Variants in CCDC60 observed in about 807,000 individuals in gnomAD.
CCDC60 encodes coiled-coil domain containing 60.
In CCDC60, 54 loss-of-function variants were observed where a neutral mutation model predicts 63.5. The observed-to-expected ratio is 0.85, with a 90% CI of 0.68 to 1.07. The LOEUF (loss-of-function observed/expected upper bound fraction) is 1.07, where lower values mean the gene tolerates loss of function less well. CCDC60 is among the 50% of genes least tolerant of loss of function. CCDC60 has a pLI of 0.00. For synonymous variants in CCDC60, 206 were observed against 238.8 expected (o/e 0.86, Z 1.27); for missense variants, 651 against 684.3 (o/e 0.95, Z 0.54).
intron 1 of CCDC60, among the ~76,000 whole-genome samples, chr12:119,347,937 A>G (rs1482522567): frequency 1.3e-5 from 2 of 152,230 alleles, no homozygotes. Flanking sequence ...AAAATATTTA[A>G]ATACTGACAT....
At chr12:119,344,395 G>C (rs546550564) in intron 1 of CCDC60, among the ~76,000 whole-genome samples, 1 of 152,178 alleles carries the variant, frequency 6.6e-6, no homozygotes, top group Non-Finnish European at 1.5e-5. Context: ...AGTTGTTCAA[G>C]TAGAAACCCA....
intron 1 of CCDC60, among the ~76,000 whole-genome samples, chr12:119,421,766 G>T (rs987771507): frequency 5.9e-5 from 9 of 152,104 alleles, no homozygotes; most frequent in Non-Finnish European, 8.8e-5. Flanking sequence ...GAGTGACAGG[G>T]CCAGGACTCA....
rs915755737 is a variant in CCDC60 at position 119,452,812 on chromosome 12, T to C, written c.171-19182T>C. On this transcript the variant is annotated intron_variant, in intron 2 of 13. Coordinates refer to ENST00000327554, the MANE Select transcript of CCDC60 (RefSeq NM_178499.5). ...GGTAGAGTTAGAGTTAGAATTTGGC[T>C]TGTTTTTTTTTTGTTTGTTTGTTTG... Among the ~76,000 whole-genome samples, 7 of 145,222 alleles carry C rather than the reference T, an allele frequency of 4.8e-5. No individual in the cohort carries two copies. In the South Asian group the frequency reaches 1.5e-3, roughly 31 times the overall value.
At chr12:119,536,851 C>G (rs1408923962) in intron 13 of CCDC60, among the ~76,000 whole-genome samples, 2 of 152,016 alleles carry the variant, frequency 1.3e-5, no homozygotes, top group Non-Finnish European at 2.9e-5. Context: ...ACATTTTTTC[C>G]TTCATTTCAA....
At chr12:119,383,567 G>A (rs571446552) in intron 1 of CCDC60, among the ~76,000 whole-genome samples, 169 of 152,246 alleles carry the variant, frequency 1.1e-3, no homozygotes, top group Non-Finnish European at 2.0e-3. Flanking sequence ...GTGTGCGAGA[G>A]CAGAAGGAGC....
At chr12:119,344,676 C>A (rs1354278932) in intron 1 of CCDC60, among the ~76,000 whole-genome samples, 3 of 152,182 alleles carry the variant, frequency 2.0e-5, no homozygotes, top group Admixed American at 6.5e-5. Flanking sequence ...AGACGAATAT[C>A]TTTAATGAAG....
At chr12:119,347,279 G>C (rs746729677) in intron 1 of CCDC60, among the ~76,000 whole-genome samples, 45 of 152,182 alleles carry the variant, frequency 3.0e-4, no homozygotes, top group Admixed American at 7.9e-4. Flanking sequence ...CAACTAATGA[G>C]AGATGAGGCT....
At chr12:119,507,949 C>T (rs1438307977) in intron 7 of CCDC60, among the ~76,000 whole-genome samples, 1 of 151,962 alleles carries the variant, frequency 6.6e-6, no homozygotes, top group Non-Finnish European at 1.5e-5. Flanking sequence ...AGGAGGATGG[C>T]TTGAGTCCAG....
In CCDC60 at chr12:119,456,232, G is replaced by C. The variant is rs1286273205; in HGVS notation, c.171-15762G>C. Among the ~76,000 whole-genome samples, 2 of 152,128 alleles carry C rather than the reference G, an allele frequency of 1.3e-5. No individual in the cohort carries two copies. Among genetic ancestry groups the C allele is most frequent in the Non-Finnish European group, 1.5e-5 (1 of 68,028 alleles). ...GCCATTAGAGGATTTTGAGCATTAA[G>C]ATAGGAATGATGAGATTTGCCTTTT... On this transcript the variant is annotated intron_variant, in intron 2 of 13. Transcript: ENST00000327554. This position sits in a 1 kb window ranked among gnomAD's most constrained non-coding sequence, Gnocchi z 4.6.
intron 2 of CCDC60, among the ~76,000 whole-genome samples, chr12:119,451,341 G>A (rs1394922566): frequency 6.6e-6 from 1 of 152,180 alleles, no homozygotes. Flanking sequence ...TGTGTAGGGT[G>A]ATAGGGGGTT....
intron 1 of CCDC60, among the ~76,000 whole-genome samples, chr12:119,400,270 C>T (rs1450207950): frequency 6.6e-6 from 1 of 152,160 alleles, no homozygotes; most frequent in Non-Finnish European, 1.5e-5. Context: ...AGGATGGTCT[C>T]GATCTCCTGA....
intron 6 of CCDC60, among the ~76,000 whole-genome samples, chr12:119,501,380 T>C (rs1951847024): frequency 6.6e-6 from 1 of 152,200 alleles, no homozygotes; most frequent in Non-Finnish European, 1.5e-5. Context: ...AGGAGGTATT[T>C]GGGGGCTCAG....
At chr12:119,517,881 G>A (rs1315208622) in intron 8 of CCDC60, among the ~76,000 whole-genome samples, 1 of 152,218 alleles carries the variant, frequency 6.6e-6, no homozygotes, top group African/African-American at 2.4e-5. Context: ...GCCCCAGAGA[G>A]CACACAGCCT....
chr12:119,354,921 A>G (rs1174575225), intron 1 of CCDC60, among the ~76,000 whole-genome samples: 1 of 152,186 alleles, frequency 6.6e-6, no homozygotes, highest in Non-Finnish European at 1.5e-5. Context: ...ATGGGGCCTC[A>G]TCATCTAGAG....
chr12:119,509,412 C>G (rs1322610687), intron 7 of CCDC60, among the ~76,000 whole-genome samples: 1 of 152,116 alleles, frequency 6.6e-6, no homozygotes, highest in Non-Finnish European at 1.5e-5. Flanking sequence ...CGAGATTAGC[C>G]TGGCTGACAT....
intron 1 of CCDC60, among the ~76,000 whole-genome samples, chr12:119,385,303 A>T (rs750438879): frequency 1.1e-4 from 16 of 152,300 alleles, no homozygotes; most frequent in South Asian, 6.2e-4. Flanking sequence ...CTGGGAGATC[A>T]AAGGTGATAT....
chr12:119,535,394 T>G (rs1278625155), intron 13 of CCDC60, among the ~76,000 whole-genome samples: 1 of 152,182 alleles, frequency 6.6e-6, no homozygotes, highest in Non-Finnish European at 1.5e-5. Flanking sequence ...ATTTGAAGGG[T>G]TTTTTGTGTC....
At chr12:119,402,731 C>G (rs1209397832) in intron 1 of CCDC60, among the ~76,000 whole-genome samples, 1 of 152,154 alleles carries the variant, frequency 6.6e-6, no homozygotes, top group South Asian at 2.1e-4. Flanking sequence ...TGGGTAATCT[C>G]TCAACGCTGA....
intron 1 of CCDC60, among the ~76,000 whole-genome samples, chr12:119,421,602 G>A (rs900069581): frequency 3.3e-5 from 5 of 152,148 alleles, no homozygotes; most frequent in African/African-American, 1.2e-4. Context: ...AATGCACTTG[G>A]GACAGTGCAG....
Sources: gnomAD v4.1 joint callset for allele counts (sites outside exome capture counted in the v4.1 genomes callset) on GRCh38, gnomAD v4.1.1 for gene constraint, Gnocchi (gnomAD v3.1) non-coding constraint, MANE v1.5 for transcripts, NCBI Gene and HGNC (gene_info 2026-07-23, HGNC 2026-07-21) for gene names.